EFS: variants seen among roughly 807,000 people sequenced by gnomAD.
EFS encodes the protein Cas scaffolding protein family member 3.
A neutral mutation model predicts 42.2 loss-of-function variants in EFS; 34 were observed. The observed-to-expected ratio is 0.81, with a 90% CI of 0.61 to 1.07. EFS has a LOEUF of 1.07. EFS is among the 50% of genes least tolerant of loss of function. The pLI, the probability that EFS is intolerant of heterozygous loss-of-function variation, is 0.00. For missense variants in EFS, 717 were observed against 729.4 expected, an observed-to-expected ratio of 0.98 and a Z score of 0.20; for synonymous variants, 299 against 320.7, an observed-to-expected ratio of 0.93 and a Z score of 0.72.
chr14:23,358,854 G>A, intron 5 of EFS, 22 bp downstream of exon 5: 1 of 1,596,874 alleles, frequency 6.3e-7, no homozygotes, highest in Non-Finnish European at 8.5e-7. Context: ...CCCTTCTCTA[G>A]CACCATTCCC....
At chr14:23,359,001 G>A (rs749634529) in intron 4 of EFS, 36 bp from the exon 5 acceptor site, 12 of 1,571,152 alleles carry the variant, frequency 7.6e-6, no homozygotes, top group South Asian at 1.2e-5. Context: ...GTCGGGGTGG[G>A]GGAGCAGGAC....
chr14:23,360,019 G>A lies in EFS; in HGVS notation c.459C>T (p.Thr153=), dbSNP rs1595026722. The A allele has an allele frequency of 3.1e-6, 5 of 1,609,752 alleles. No homozygotes were observed. The highest frequency in any genetic ancestry group is 1.7e-5 in the Admixed American group (1 of 59,584). The part of the protein sequence containing the change: ...DALEVYDVPP[T]ALRVPSSGPY... The stretch of plus-strand genomic sequence containing the variant: ...GGCCACTGGAGGGCACCCGGAGGGC[G>A]GTGGGGGGCACATCGTAGACCTGCG... The change falls in exon 4 of 6, where the codon ACC becomes ACT. Residue 153 remains threonine (T), a synonymous_variant. Coordinates refer to ENST00000216733, the MANE Select transcript of EFS (RefSeq NM_005864.4).
At chr14:23,364,303 G>A (rs566535854) in intron 1 of EFS, among the ~76,000 whole-genome samples, 1 of 152,294 alleles carries the variant, frequency 6.6e-6, no homozygotes, top group East Asian at 1.9e-4. Context: ...GATGATGGGT[G>A]TGACCACTCC....
intron 1 of EFS, among the ~76,000 whole-genome samples, chr14:23,363,766 T>C (rs902915741): frequency 6.6e-6 from 1 of 152,042 alleles, no homozygotes; most frequent in Non-Finnish European, 1.5e-5. Context: ...GGCGAAACCC[T>C]GCCTCTACAA....
In EFS at chr14:23,360,008, AC is replaced by A. The variant is rs1402384096; in HGVS notation, c.469del (p.Val157CysfsTer17). ...VYDVPPTALRVPSSGPYDCPA... is the reference protein window; with the variant it reads ...VYDVPPTALRXPSSGPYDCPA... The stretch of plus-strand genomic sequence containing the variant: ...GCAGTCATAGGGGCCACTGGAGGGC[AC>A]CCGGAGGGCGGTGGGGGGCACATCG... On this transcript the variant is annotated frameshift_variant, in exon 4 of 6. Transcript: ENST00000216733. LOFTEE classifies it high-confidence loss of function. 6.2e-7 allele frequency: 1 copy of A among 1,604,392 alleles called. No homozygotes were observed.
intron 1 of EFS, among the ~76,000 whole-genome samples, chr14:23,363,876 T>C (rs749669620): frequency 2.3e-4 from 35 of 151,788 alleles, no homozygotes; most frequent in Admixed American, 5.9e-4. Flanking sequence ...CGAGGCTGCA[T>C]TGAGCCGTGA....
At chr14:23,360,423 C>G (rs77079282) in intron 2 of EFS, 132 bp downstream of exon 2, 47 of 1,491,426 alleles carry the variant, frequency 3.2e-5, no homozygotes, top group African/African-American at 4.2e-5. Flanking sequence ...AGACAGGTTT[C>G]GTCCAGCGCA....
chr14:23,357,608 A>G lies in EFS; in HGVS notation c.1304T>C (p.Leu435Pro). 6.3e-7 allele frequency: 1 copy of G among 1,578,800 alleles called. No homozygotes were observed. Among genetic ancestry groups the G allele is most frequent in the Non-Finnish European group, 8.6e-7 (1 of 1,156,698 alleles). The change falls in exon 6 of 6, where the codon CTC (leucine) becomes CCC (proline). Residue 435 changes from leucine (L) to proline (P), a missense_variant. Coordinates refer to ENST00000216733, the MANE Select transcript of EFS (RefSeq NM_005864.4). ...PLVVSTGDLQ[L>P]LYFYAGQCQS... ...GCATTGCCCAGCATAGAAGTACAGG[A>G]GCTGCAGATCTCCGGTGGACACAAC...
intron 5 of EFS, 121 bp from the exon 6 acceptor site, chr14:23,357,781 A>G: frequency 1.2e-6 from 1 of 839,024 alleles, no homozygotes; most frequent in Non-Finnish European, 1.7e-6. Flanking sequence ...ACCTCTGCCC[A>G]TCGGAAAGTT....
chr14:23,364,878 G>A lies in EFS; in HGVS notation c.18+130C>T, dbSNP rs1595031527. On this transcript the variant is annotated intron_variant, in intron 1 of 5. Transcript: ENST00000216733. ...GAAGGGAAACAAAAGTGAGAGGAGG[G>A]GGACACAGCCTCCTGGAGAAGAAAG... 3.0e-5 allele frequency: 25 copies of A among 821,906 alleles called. No homozygotes were observed. The East Asian group carries it at 7.4e-4, about 24-fold the overall frequency. The allele number at this position is 821,906 out of a possible 1,614,324, so 50.9% of individuals were successfully genotyped here.
rs2138537428 is a variant in EFS, at chr14:23,360,006, G to A, written c.472C>T (p.Pro158Ser). Reference sequence around the variant, plus strand: ...GGGCAGTCATAGGGGCCACTGGAGGGCACCCGGAGGGCGGTGGGGGGCACA... The same window carrying A: ...GGGCAGTCATAGGGGCCACTGGAGGACACCCGGAGGGCGGTGGGGGGCACA... ...YDVPPTALRV[P>S]SSGPYDCPAS... Residue 158 changes from proline to serine, a missense_variant, in exon 4 of 6, where the codon CCC becomes TCC. Coordinates refer to ENST00000216733, the MANE Select transcript of EFS (RefSeq NM_005864.4). 1.2e-6 allele frequency: 2 copies of A among 1,604,484 alleles called. No individual in the cohort carries two copies. The highest frequency in any genetic ancestry group is 1.7e-4 in the Middle Eastern group (1 of 6,006).
chr14:23,362,478 G>A (rs6573126), intron 1 of EFS, among the ~76,000 whole-genome samples: 22,845 of 152,136 alleles, frequency 0.15, 2,101 homozygotes, highest in African/African-American at 0.26. Flanking sequence ...TCATGGCTGG[G>A]TGATTTTAAC....
At position 23,360,828 on chromosome 14, in the gene EFS, C is replaced by T; in HGVS notation, c.24G>A (p.Gln8=). The part of the protein sequence containing the change: MAIATST[Q]LARALYDNTA... ...TGTTGTCATACAGTGCCCGGGCCAG[C>T]TGGGTCTGGTTGGGGAGGTGGGAGT... is the stretch of plus-strand genomic sequence containing the variant. Residue 8 remains glutamine, a synonymous_variant, in exon 2 of 6, where the codon CAG becomes CAA. Transcript: ENST00000216733. 6.2e-7 allele frequency: 1 copy of T among 1,609,790 alleles called. No homozygotes were observed. Among genetic ancestry groups the T allele is most frequent in the Non-Finnish European group, 8.5e-7 (1 of 1,177,676 alleles).
chr14:23,360,970 G>T, intron 1 of EFS, 137 bp from the exon 2 acceptor site: 1 of 895,594 alleles, frequency 1.1e-6, no homozygotes, highest in Non-Finnish European at 1.6e-6. Flanking sequence ...TTTCTGCCTG[G>T]GCCCTAGCTT....
At position 23,357,434 on chromosome 14, in the gene EFS, C is replaced by T. The variant is rs368461770; in HGVS notation, c.1478G>A (p.Arg493Gln). 50 of 1,613,048 alleles carry T rather than the reference C, an allele frequency of 3.1e-5. No individual in the cohort carries two copies. Among genetic ancestry groups the T allele is most frequent in the Admixed American group, 8.3e-5 (5 of 59,952 alleles). ...RLVFVGDTLG[R>Q]LAASAPLRAQ... The stretch of plus-strand genomic sequence containing the variant: ...TCTCAGAGGGGCAGAGGCTGCCAGC[C>T]GGCCCAGGGTGTCCCCAACAAACAC... The change falls in exon 6 of 6, where the codon CGG becomes CAG. Residue 493 changes from arginine to glutamine, a missense_variant. Coordinates refer to ENST00000216733, the MANE Select transcript of EFS (RefSeq NM_005864.4).
In EFS at chr14:23,360,123, G is replaced by A. The variant is rs1378739980; in HGVS notation, c.438+18C>T. On this transcript the variant is annotated intron_variant, in intron 3 of 5. Coordinates refer to ENST00000216733, the MANE Select transcript of EFS (RefSeq NM_005864.4). Reference sequence around the variant, plus strand: ...ATTTGTCTCCCACCCAACATACACAGGGACCTCTAGCCCTCACCTCCAAGG... The same window carrying A: ...ATTTGTCTCCCACCCAACATACACAAGGACCTCTAGCCCTCACCTCCAAGG... 6.2e-7 allele frequency: 1 copy of A among 1,614,066 alleles called. No individual in the cohort carries two copies.
rs778515496 is a variant in EFS, at chr14:23,357,178, G to C, written c.*48C>G. On this transcript the variant is annotated 3_prime_UTR_variant, in exon 6 of 6. Coordinates refer to ENST00000216733, the MANE Select transcript of EFS (RefSeq NM_005864.4). The stretch of plus-strand genomic sequence containing the variant: ...GCCTTCCAGCCACCCAAGGCCTAAA[G>C]GGGGGCTTTGGCAGGCAGGGGAGGA... 5.4e-6 allele frequency: 8 copies of C among 1,473,996 alleles called. No homozygotes were observed. Among genetic ancestry groups the C allele is most frequent in the Non-Finnish European group, 7.2e-6 (8 of 1,103,748 alleles). 91.3% of individuals were successfully genotyped at this position (1,473,996 alleles called of 1,614,324 possible).
chr14:23,357,475 C>T lies in EFS; in HGVS notation c.1437G>A (p.Val479=), dbSNP rs1221691045. ...CAACAAACACCAGGCGATGAGCAGC[C>T]ACCACCACCCTCTTGCTGTGGGGCA... ...LFVPHSKRVV[V]AAHRLVFVGD... is the part of the protein sequence containing the mutation. The change falls in exon 6 of 6, where the codon GTG becomes GTA. Residue 479 remains valine (V), a synonymous_variant. Coordinates refer to ENST00000216733, the MANE Select transcript of EFS (RefSeq NM_005864.4). 1.2e-6 allele frequency: 2 copies of T among 1,613,986 alleles called. No homozygotes were observed. The highest frequency in any genetic ancestry group is 1.7e-6 in the Non-Finnish European group (2 of 1,180,016).
chr14:23,364,690 C>G (rs1428032564), intron 1 of EFS, among the ~76,000 whole-genome samples: 1 of 152,092 alleles, frequency 6.6e-6, no homozygotes, highest in Non-Finnish European at 1.5e-5. Flanking sequence ...CCACCAGTGG[C>G]CATCTGTTCC....
Sources: gnomAD v4.1 joint callset for allele counts (sites outside exome capture counted in the v4.1 genomes callset) on GRCh38, gnomAD v4.1.1 for gene constraint, MANE v1.5 for transcripts, NCBI Gene and HGNC (gene_info 2026-07-23, HGNC 2026-07-21) for gene names.